Variants in INPP5F observed in about 807,000 individuals in gnomAD.
INPP5F encodes inositol polyphosphate-5-phosphatase F, also known as phosphatidylinositide 4-phosphatase SAC2.
A neutral mutation model predicts 137.2 loss-of-function variants in INPP5F; 97 were observed. That is an observed-to-expected ratio of 0.71 (90% CI 0.60 to 0.84). The LOEUF (loss-of-function observed/expected upper bound fraction) is 0.84, where lower values mean the gene tolerates loss of function less well. INPP5F is among the 40% of genes least tolerant of loss of function. The pLI is 0.00. For missense variants in INPP5F, 1,271 were observed against 1,371.9 expected (o/e 0.93, Z 1.16); for synonymous variants, 504 against 476.9 (o/e 1.06, Z -0.74).
At chr10:119,820,976 C>A in intron 16 of INPP5F, 59 bp downstream of exon 16, 1 of 1,107,648 alleles carries the variant, frequency 9.0e-7, no homozygotes, top group Non-Finnish European at 1.4e-6. Context: ...AGTAAATTTT[C>A]TTTTTAGAAT....
intron 15 of INPP5F, among the ~76,000 whole-genome samples, chr10:119,812,367 C>A: frequency 1.5e-5 from 2 of 130,488 alleles, no homozygotes; most frequent in South Asian, 2.7e-4. Context: ...ATAAATAGGT[C>A]AACTAATATT....
Position 119,758,349 on chromosome 10 carries a change from C to T in INPP5F, c.178+7193C>T, listed in dbSNP as rs200193181. ...CCTTGAGAGGAGAGGTAGTTCTTGG[C>T]GGAGTATGCAGCTGTGCAAAAGGCC... On this transcript the variant is annotated intron_variant, in intron 2 of 19. Coordinates refer to ENST00000650623, the MANE Select transcript of INPP5F (RefSeq NM_014937.4). 3.9e-5 allele frequency among the ~76,000 whole-genome samples: 6 copies of T among 152,054 alleles called. No homozygotes were observed. The East Asian group carries it at 5.8e-4, about 15-fold the overall frequency.
At chr10:119,746,184 TC>T (rs1168781755) in intron 1 of INPP5F, among the ~76,000 whole-genome samples, 1 of 152,238 alleles carries the variant, frequency 6.6e-6, no homozygotes, top group Non-Finnish European at 1.5e-5. Context: ...GATATGTGTT[TC>T]TCCAATGATG....
intron 19 of INPP5F, among the ~76,000 whole-genome samples, chr10:119,825,396 A>G (rs529990466): frequency 5.6e-4 from 86 of 152,322 alleles, no homozygotes; most frequent in African/African-American, 2.0e-3. Context: ...GTGATATGGC[A>G]TTTAAAATAT....
chr10:119,800,568 C>CA (rs1850551562), intron 9 of INPP5F, among the ~76,000 whole-genome samples: 1 of 141,248 alleles, frequency 7.1e-6, no homozygotes, highest in South Asian at 2.2e-4. Flanking sequence ...AAAAAAAAAA[C>CA]AAAAACCAAA....
chr10:119,789,045 G>A (rs1334170468), intron 3 of INPP5F, among the ~76,000 whole-genome samples: 1 of 152,124 alleles, frequency 6.6e-6, no homozygotes, highest in Admixed American at 6.5e-5. Context: ...GACCAACATG[G>A]AGAAACCGTG....
At chr10:119,812,088 G>A in intron 15 of INPP5F, 133 bp downstream of exon 15, 1 of 678,954 alleles carries the variant, frequency 1.5e-6, no homozygotes, top group Non-Finnish European at 2.5e-6. Flanking sequence ...CTATGAGCTG[G>A]TAGTGAGGCA....
At chr10:119,804,887 G>A (rs955757806) in intron 10 of INPP5F, among the ~76,000 whole-genome samples, 29 of 151,906 alleles carry the variant, frequency 1.9e-4, no homozygotes, top group African/African-American at 6.8e-4. Flanking sequence ...CACTATGCCC[G>A]GCTAACTTCT....
At chr10:119,822,967 T>C in intron 17 of INPP5F, 104 bp from the exon 18 acceptor site, 1 of 1,131,794 alleles carries the variant, frequency 8.8e-7, no homozygotes, top group Non-Finnish European at 1.2e-6. Context: ...TTTTGTGTGC[T>C]GTCATTTATA....
At chr10:119,744,080 A>C (rs943733840) in intron 1 of INPP5F, among the ~76,000 whole-genome samples, 1 of 152,236 alleles carries the variant, frequency 6.6e-6, no homozygotes, top group Non-Finnish European at 1.5e-5. Flanking sequence ...GTTTCATTAA[A>C]TATTTCTCCA....
intron 14 of INPP5F, among the ~76,000 whole-genome samples, chr10:119,811,431 T>G (rs1851025650): frequency 6.6e-6 from 1 of 152,242 alleles, no homozygotes; most frequent in Non-Finnish European, 1.5e-5. Context: ...TACAATTGCC[T>G]TATCTTTTTA....
chr10:119,777,544 A>AATAAT (rs1164004934), intron 2 of INPP5F, among the ~76,000 whole-genome samples: 1 of 152,088 alleles, frequency 6.6e-6, no homozygotes. Flanking sequence ...AAATAAATAA[A>AATAAT]ATAATATAAG....
At chr10:119,813,972 AT>A (rs1851153557) in intron 15 of INPP5F, among the ~76,000 whole-genome samples, 2 of 149,920 alleles carry the variant, frequency 1.3e-5, no homozygotes, top group South Asian at 4.2e-4. Flanking sequence ...TTTTTTCCTG[AT>A]TTTTGACTCC....
At chr10:119,793,798 C>T (rs1490969721) in intron 6 of INPP5F, among the ~76,000 whole-genome samples, 1 of 152,078 alleles carries the variant, frequency 6.6e-6, no homozygotes, top group African/African-American at 2.4e-5. Context: ...GCTTGCGCCC[C>T]AGGCCCAGCT....
intron 1 of INPP5F, among the ~76,000 whole-genome samples, chr10:119,729,145 GA>G (rs947611780): frequency 6.7e-6 from 1 of 150,158 alleles, no homozygotes; most frequent in Non-Finnish European, 1.5e-5. Context: ...GGGGGAGGGG[GA>G]AAGGGCGGGG....
At chr10:119,823,637 A>G (rs1851647309) in intron 18 of INPP5F, among the ~76,000 whole-genome samples, 178 bp from the exon 19 acceptor site, 1 of 152,242 alleles carries the variant, frequency 6.6e-6, no homozygotes, top group Admixed American at 6.5e-5. Context: ...ATGTTAGAAC[A>G]TTGTGAATTA....
chr10:119,801,752 A>T (rs1048928960), intron 9 of INPP5F, among the ~76,000 whole-genome samples: 1 of 152,136 alleles, frequency 6.6e-6, no homozygotes, highest in African/African-American at 2.4e-5. Flanking sequence ...AAATAAGTAA[A>T]TAAATAAAAT....
At position 119,804,068 on chromosome 10, in the gene INPP5F, C is replaced by T. The variant is rs1343391949; in HGVS notation, c.1117-105C>T. On this transcript the variant is annotated intron_variant, in intron 9 of 19. Transcript: ENST00000650623. ...ATAAAATATTTCTAACACATAATTC[C>T]AAATTATTAAAAACCACACTGTGAT... 5.2e-6 allele frequency: 4 copies of T among 766,538 alleles called. No individual in the cohort carries two copies. The Admixed American group carries it at 9.0e-5, about 17-fold the overall frequency. The allele number at this position is 766,538 out of a possible 1,614,324, so 47.5% of individuals were successfully genotyped here. A position where few individuals can be genotyped will look rare whatever the true frequency, so the allele number is the denominator to read the frequency against.
chr10:119,791,959 A>T lies in INPP5F; in HGVS notation c.535A>T (p.Ser179Cys), dbSNP rs778405449. ...CATGGACTCAGAATCCTTTTATTAT[A>T]GCTTGACCTATGACCTGACCAATTC... ...MFMDSESFYY[S>C]LTYDLTNSVQ... The change falls in exon 5 of 20, where the codon AGC (serine) becomes TGC (cysteine). Residue 179 changes from serine to cysteine, a missense_variant. By Grantham distance (112) the Ser-to-Cys change is moderately radical (BLOSUM62 -1). Around this residue, in one of 6 missense-constraint regions of INPP5F, gnomAD observed 11 missense variants for 33.9 expected, o/e 0.32. Transcript: ENST00000650623. The T allele has an allele frequency of 6.2e-7, 1 of 1,614,218 alleles. No homozygotes were observed. The highest frequency in any genetic ancestry group is 8.5e-7 in the Non-Finnish European group (1 of 1,180,034).
Sources: allele counts gnomAD v4.1 joint callset (sites outside exome capture counted in the v4.1 genomes callset), GRCh38; gene constraint gnomAD v4.1.1; regional missense constraint gnomAD v4.1.1; transcripts MANE v1.5; gene names NCBI Gene and HGNC (gene_info 2026-07-23, HGNC 2026-07-21).